The following FAM222B variants were observed in gnomAD, a reference collection of about 807,000 sequenced individuals.
FAM222B encodes protein FAM222B.
In FAM222B, 12 loss-of-function variants were observed where a neutral mutation model predicts 38.0. The ratio of observed to expected loss-of-function variants is 0.32; its 90% CI spans 0.20 to 0.51. FAM222B has a LOEUF of 0.51. Ranked by LOEUF, FAM222B falls within the 20% of genes least tolerant of loss-of-function variation. The probability of loss-of-function intolerance (pLI) is 0.97; values close to 1 mark genes in which losing one functional copy is unlikely to be tolerated. For missense variants in FAM222B, 716 were observed against 754.2 expected, an observed-to-expected ratio of 0.95 and a Z score of 0.59; for synonymous variants, 329 against 317.2, an observed-to-expected ratio of 1.04 and a Z score of -0.40.
At chr17:28,791,725 T>C (rs888974729) in intron 1 of FAM222B, among the ~76,000 whole-genome samples, 6 of 142,778 alleles carry the variant, frequency 4.2e-5, no homozygotes, top group African/African-American at 1.6e-4. Context: ...TGGAGTGCGA[T>C]CTCGGCTCAC....
chr17:28,781,918 C>T (rs1222989545), intron 1 of FAM222B, among the ~76,000 whole-genome samples: 1 of 152,134 alleles, frequency 6.6e-6, no homozygotes. Flanking sequence ...GAAACAAGTT[C>T]AAGAGATCTA....
rs747948665 is a variant in FAM222B at position 28,758,629 on chromosome 17, A to G, written c.1330T>C (p.Tyr444His). ...GGTTGGAAGTAGTGACCATTGGGGT[A>G]GGCCAATGGGGCTGCCATGCCGTTG... ...PVNGMAAPLA[Y>H]PNGHYFQPLW... The change falls in exon 3 of 3, where the codon TAC becomes CAC. Residue 444 changes from tyrosine to histidine, a missense_variant. Physicochemically the swap from Tyr to His is moderately conservative, Grantham distance 83 (BLOSUM62 2). Coordinates refer to ENST00000581407, the MANE Select transcript of FAM222B (RefSeq NM_001077498.3). The G allele has an allele frequency of 6.2e-7, 1 of 1,611,710 alleles. No homozygotes were observed. The highest frequency in any genetic ancestry group is 2.2e-5 in the East Asian group (1 of 44,856).
intron 1 of FAM222B, among the ~76,000 whole-genome samples, chr17:28,853,414 C>G (rs1157929151): frequency 6.6e-6 from 1 of 151,664 alleles, no homozygotes; most frequent in Non-Finnish European, 1.5e-5. Context: ...TGAGGATAGC[C>G]AGAATATACA....
chr17:28,826,330 A>C (rs537347991), intron 1 of FAM222B, among the ~76,000 whole-genome samples: 3 of 151,178 alleles, frequency 2.0e-5, no homozygotes, highest in African/African-American at 7.3e-5. Flanking sequence ...TCGGCCTCCT[A>C]AAGTGCTGGG....
rs762556068 is a variant in FAM222B, at chr17:28,758,906, G to T, written c.1053C>A (p.Arg351=). The T allele has an allele frequency of 2.5e-6, 4 of 1,609,118 alleles. No homozygotes were observed. Among genetic ancestry groups the T allele is most frequent in the Non-Finnish European group, 3.4e-6 (4 of 1,178,194 alleles). The part of the protein sequence containing the change: ...GPVNLPTGIS[R]VPTGYPSDLK... ...GGTCGCTAGGGTAGCCAGTGGGGAC[G>T]CGAGAGATGCCTGTGGGCAGGTTGA... Residue 351 remains arginine (R), a synonymous_variant, in exon 3 of 3, where the codon CGC becomes CGA. Transcript: ENST00000581407.
At chr17:28,817,404 C>T (rs1190147782) in intron 1 of FAM222B, among the ~76,000 whole-genome samples, 1 of 145,530 alleles carries the variant, frequency 6.9e-6, no homozygotes, top group Admixed American at 7.0e-5. Flanking sequence ...CAGAGTGAGA[C>T]TCTGTCTCAA....
chr17:28,813,693 G>A (rs1265712992), intron 1 of FAM222B, among the ~76,000 whole-genome samples: 2 of 149,894 alleles, frequency 1.3e-5, no homozygotes, highest in Admixed American at 6.7e-5. Context: ...CCGCCATCAC[G>A]CCCAGCTAAT....
chr17:28,847,994 C>T (rs753431594), intron 1 of FAM222B, among the ~76,000 whole-genome samples: 1 of 151,874 alleles, frequency 6.6e-6, no homozygotes, highest in African/African-American at 2.4e-5. Flanking sequence ...GCAGATGGAG[C>T]CTGCGCATGT....
At position 28,773,747 on chromosome 17, in the gene FAM222B, G is replaced by A. The variant is rs527735645; in HGVS notation, c.-40-7040C>T. 1.1e-3 allele frequency among the ~76,000 whole-genome samples: 170 copies of A among 151,292 alleles called. 3 individuals carry two copies. The South Asian group carries it at 0.034, about 30-fold the overall frequency. On this transcript the variant is annotated intron_variant, in intron 1 of 2. Transcript: ENST00000581407. Reference sequence around the variant, plus strand: ...CAGAAGGCGGAGGTTGCAGTGAGCCGAGATCATGCCACTCCACTCCAGCCT... The same window carrying A: ...CAGAAGGCGGAGGTTGCAGTGAGCCAAGATCATGCCACTCCACTCCAGCCT...
chr17:28,795,221 C>A (rs1275562437), intron 1 of FAM222B, among the ~76,000 whole-genome samples: 3 of 152,122 alleles, frequency 2.0e-5, no homozygotes, highest in Admixed American at 2.0e-4. Flanking sequence ...GATGGGATCT[C>A]ATATCACGGC....
At chr17:28,783,660 C>A (rs1298831949) in intron 1 of FAM222B, among the ~76,000 whole-genome samples, 1 of 152,136 alleles carries the variant, frequency 6.6e-6, no homozygotes, top group Non-Finnish European at 1.5e-5. Context: ...CAGGCACGCA[C>A]CAGTGCATCC....
At chr17:28,797,496 G>T (rs925487402) in intron 1 of FAM222B, among the ~76,000 whole-genome samples, 5 of 152,100 alleles carry the variant, frequency 3.3e-5, no homozygotes, top group African/African-American at 1.2e-4. Context: ...AAATACTGAA[G>T]CAAAAGCAAT....
At chr17:28,817,158 A>C (rs1243492229) in intron 1 of FAM222B, among the ~76,000 whole-genome samples, 1 of 152,150 alleles carries the variant, frequency 6.6e-6, no homozygotes, top group African/African-American at 2.4e-5. Context: ...CACACCTGTA[A>C]TCCCAGCACT....
chr17:28,771,357 C>T lies in FAM222B; in HGVS notation c.-40-4650G>A, dbSNP rs1159589217. 2.0e-5 allele frequency among the ~76,000 whole-genome samples: 3 copies of T among 152,088 alleles called. No homozygotes were observed. In the East Asian group the frequency reaches 5.8e-4, roughly 29 times the overall value. Reference sequence around the variant, plus strand: ...TAAGTGAACAAGAGCAAAAGGAAAACCATATATTTAGTATTTTGCAACATA... The same window carrying T: ...TAAGTGAACAAGAGCAAAAGGAAAATCATATATTTAGTATTTTGCAACATA... On this transcript the variant is annotated intron_variant, in intron 1 of 2. Coordinates refer to ENST00000581407, the MANE Select transcript of FAM222B (RefSeq NM_001077498.3).
At chr17:28,852,497 C>T (rs1396388630) in intron 1 of FAM222B, among the ~76,000 whole-genome samples, 5 of 151,646 alleles carry the variant, frequency 3.3e-5, no homozygotes, top group East Asian at 1.9e-4. Context: ...AAAAATTAGC[C>T]GGATGTGGTG....
In FAM222B at chr17:28,758,562, G is replaced by A. The variant is rs1361631948; in HGVS notation, c.1397C>T (p.Ser466Leu). Reference protein sequence around the residue: ...NILPTPNSDSSGSQDLAMPFH... With the variant: ...NILPTPNSDSLGSQDLAMPFH... ...CGGCATGGCAAGGTCCTGAGACCCC[G>A]AGCTGTCGCTATTGGGAGTGGGCAG... Residue 466 changes from serine (S) to leucine (L), a missense_variant, in exon 3 of 3, where the codon TCG becomes TTG. Coordinates refer to ENST00000581407, the MANE Select transcript of FAM222B (RefSeq NM_001077498.3). 6 of 1,609,970 alleles carry A rather than the reference G, an allele frequency of 3.7e-6. No individual in the cohort carries two copies. The African/African-American group carries it at 4.0e-5, about 11-fold the overall frequency.
At chr17:28,771,352 G>A (rs1247414520) in intron 1 of FAM222B, among the ~76,000 whole-genome samples, 1 of 152,082 alleles carries the variant, frequency 6.6e-6, no homozygotes, top group Non-Finnish European at 1.5e-5. Context: ...AGAGCAAAAG[G>A]AAAACCATAT....
At chr17:28,841,007 C>A (rs1200788467) in intron 1 of FAM222B, among the ~76,000 whole-genome samples, 1 of 147,248 alleles carries the variant, frequency 6.8e-6, no homozygotes, top group Non-Finnish European at 1.5e-5. Flanking sequence ...ATAAAGATAA[C>A]AAAATAGCCA....
chr17:28,837,675 G>GTCTCGC (rs1357683024), intron 1 of FAM222B, among the ~76,000 whole-genome samples: 9 of 150,164 alleles, frequency 6.0e-5, no homozygotes, highest in African/African-American at 2.2e-4. Flanking sequence ...TTGAGACGGA[G>GTCTCGC]TCTCGCTCGC....
Sources: allele counts gnomAD v4.1 joint callset (sites outside exome capture counted in the v4.1 genomes callset), GRCh38; gene constraint gnomAD v4.1.1; transcripts MANE v1.5; gene names NCBI Gene and HGNC (gene_info 2026-07-23, HGNC 2026-07-21).